Variants in CCT3 observed in about 807,000 individuals in gnomAD.
The protein encoded by CCT3 is T-complex protein 1 subunit gamma.
A neutral mutation model predicts 65.3 loss-of-function variants in CCT3; 10 were observed. The ratio of observed to expected loss-of-function variants is 0.15; its 90% CI spans 0.09 to 0.26. The LOEUF (loss-of-function observed/expected upper bound fraction) is 0.26. Among genes scored for constraint, CCT3 ranks in the 10% least tolerant of loss-of-function variants. The pLI is 1.00. For synonymous variants in CCT3, 225 were observed against 242.3 expected (o/e 0.93, Z 0.66); for missense variants, 626 against 708.7 (o/e 0.88, Z 1.33).
At position 156,323,363 on chromosome 1, in the gene CCT3, A is replaced by G. The variant is rs1664650105; in HGVS notation, c.422+1609T>C. Among the ~76,000 whole-genome samples the G allele has an allele frequency of 2.6e-5, 4 of 152,126 alleles. No homozygotes were observed. The South Asian group carries it at 8.3e-4, about 31-fold the overall frequency. ...ATAATATAAACCTCACCAAATTACT[A>G]AACACTTATGCATCTAGTGACTCAA... On this transcript the variant is annotated intron_variant, in intron 6 of 13. Coordinates refer to ENST00000295688, the MANE Select transcript of CCT3 (RefSeq NM_005998.5).
At chr1:156,326,689 T>C (rs941355505) in intron 5 of CCT3, among the ~76,000 whole-genome samples, 2 of 140,210 alleles carry the variant, frequency 1.4e-5, no homozygotes, top group Non-Finnish European at 3.1e-5. Context: ...AAAAAGAAAA[T>C]GTACACAATT....
In CCT3 at chr1:156,320,854, A is replaced by G. The variant is rs1420460604; in HGVS notation, c.594T>C (p.Tyr198=). ...NGRKEIDIKK[Y]ARVEKIPGGI... ...GAAAGTTTACCTTTTCCACTCTTGC[A>G]TATTTTTTTATGTCAATCTCTTTCC... The change falls in exon 7 of 14, where the codon TAT becomes TAC. Residue 198 remains tyrosine (Y), a synonymous_variant. Coordinates refer to ENST00000295688, the MANE Select transcript of CCT3 (RefSeq NM_005998.5). The G allele has an allele frequency of 5.6e-6, 9 of 1,610,090 alleles. No individual in the cohort carries two copies. Among genetic ancestry groups the G allele is most frequent in the African/African-American group, 2.7e-5 (2 of 74,854 alleles).
At chr1:156,319,096 C>A in intron 7 of CCT3, 79 bp from the exon 8 acceptor site, 3 of 1,293,368 alleles carry the variant, frequency 2.3e-6, no homozygotes, top group Non-Finnish European at 2.1e-6. Context: ...TCATCTTTCC[C>A]AAACAGCTAG....
At chr1:156,320,572 C>T (rs1664505497) in intron 7 of CCT3, among the ~76,000 whole-genome samples, 3 of 152,080 alleles carry the variant, frequency 2.0e-5, no homozygotes, top group Admixed American at 6.6e-5. Flanking sequence ...ACATGAGACC[C>T]TCATCTCTAC....
intron 10 of CCT3, among the ~76,000 whole-genome samples, chr1:156,313,301 T>A (rs1002942047): frequency 7.4e-6 from 1 of 134,896 alleles, no homozygotes; most frequent in East Asian, 2.2e-4. Flanking sequence ...ATTTCACCAC[T>A]GCACTCCAGC....
chr1:156,331,942 G>A (rs961308364), intron 5 of CCT3, among the ~76,000 whole-genome samples: 3 of 152,128 alleles, frequency 2.0e-5, no homozygotes, highest in East Asian at 1.9e-4. Flanking sequence ...TAAGGCAGGA[G>A]AATCGCTCGA....
At chr1:156,317,764 A>G (rs1664369655) in intron 8 of CCT3, among the ~76,000 whole-genome samples, 1 of 150,266 alleles carries the variant, frequency 6.7e-6, no homozygotes, top group Non-Finnish European at 1.5e-5. Context: ...GCTGGAGTGT[A>G]ATGGCGCGAT....
At chr1:156,325,517 G>C (rs2101655534) in intron 5 of CCT3, among the ~76,000 whole-genome samples, 1 of 151,818 alleles carries the variant, frequency 6.6e-6, no homozygotes, top group East Asian at 1.9e-4. Flanking sequence ...GACAGAGTGA[G>C]ACCCTATCTC....
intron 5 of CCT3, among the ~76,000 whole-genome samples, chr1:156,328,213 C>A (rs1357512618): frequency 9.3e-6 from 1 of 107,036 alleles, no homozygotes; most frequent in Non-Finnish European, 2.3e-5. Context: ...GGGGTCAGTC[C>A]CCCCGTCCGG....
At chr1:156,324,893 C>G (rs938803483) in intron 6 of CCT3, 79 bp downstream of exon 6, 2 of 944,882 alleles carry the variant, frequency 2.1e-6, no homozygotes, top group Non-Finnish European at 3.4e-6. Context: ...TCCCAAAGTG[C>G]TGGGATGACA....
In CCT3 at chr1:156,328,217, C is replaced by T. The variant is rs1156652554; in HGVS notation, c.305-3128G>A. On this transcript the variant is annotated intron_variant, in intron 5 of 13. Coordinates refer to ENST00000295688, the MANE Select transcript of CCT3 (RefSeq NM_005998.5). ...GGGAGGTGGGGGGGGTCAGTCCCCCCGTCCGGGAGGGAGGTAGGGGGGTCA... is the reference window on the plus strand; with the variant it reads ...GGGAGGTGGGGGGGGTCAGTCCCCCTGTCCGGGAGGGAGGTAGGGGGGTCA... Among the ~76,000 whole-genome samples, 3 of 129,006 alleles carry T rather than the reference C, an allele frequency of 2.3e-5. 1 individual carries two copies. The highest frequency in any genetic ancestry group is 3.6e-5 in the Non-Finnish European group (2 of 55,700). The allele number at this position is 129,006 out of a possible 152,430, so 84.6% of individuals were successfully genotyped here.
chr1:156,337,802 C>CAAA, intron 1 of CCT3: 3 of 273,140 alleles, frequency 1.1e-5, no homozygotes, highest in Non-Finnish European at 2.1e-5. Context: ...GAAAAAAAAA[C>CAAA]AAAAAAAAAC....
At position 156,327,700 on chromosome 1, in the gene CCT3, C is replaced by T. The variant is rs1298809745; in HGVS notation, c.305-2611G>A. On this transcript the variant is annotated intron_variant, in intron 5 of 13. Transcript: ENST00000295688. ...AAGAGCCGAGATTGCAGCCTCTGCC[C>T]GGCCGCCACCCCGTCTGGGAAGTGA... Among the ~76,000 whole-genome samples, 773 of 151,740 alleles carry T rather than the reference C, an allele frequency of 5.1e-3. 7 individuals carry two copies. Among genetic ancestry groups the T allele is most frequent in the Middle Eastern group, 0.01 (3 of 294 alleles).
intron 3 of CCT3, 35 bp from the exon 4 acceptor site, chr1:156,334,810 C>T: frequency 6.2e-7 from 1 of 1,613,628 alleles, no homozygotes; most frequent in Admixed American, 1.7e-5. Flanking sequence ...TTAAAGTGTC[C>T]TAGATAACAG....
rs577369726 is a variant in CCT3 at position 156,314,663 on chromosome 1, A to C, written c.975-2442T>G. Among the ~76,000 whole-genome samples the C allele has an allele frequency of 9.9e-5, 15 of 152,284 alleles. No individual in the cohort carries two copies. In the South Asian group the frequency reaches 2.9e-3, roughly 29 times the overall value. On this transcript the variant is annotated intron_variant, in intron 10 of 13. Coordinates refer to ENST00000295688, the MANE Select transcript of CCT3 (RefSeq NM_005998.5). ...CAGGAGGCGGAGGTTGTGGTGAGCC[A>C]AGATTGTGCCACTGCACTCCAGCGT...
chr1:156,331,238 A>G (rs1001865744), intron 5 of CCT3, among the ~76,000 whole-genome samples: 2 of 151,094 alleles, frequency 1.3e-5, no homozygotes, highest in African/African-American at 4.9e-5. Context: ...CTCAAAAAGA[A>G]AAACACTTTG....
Position 156,309,084 on chromosome 1 carries a change from T to C in CCT3, c.*115A>G. 1.4e-6 allele frequency: 1 copy of C among 709,602 alleles called. No individual in the cohort carries two copies. The allele number at this position is 709,602 out of a possible 1,614,324, so 44.0% of individuals were successfully genotyped here. On this transcript the variant is annotated 3_prime_UTR_variant, in exon 14 of 14. Transcript: ENST00000295688. ...GCTGGGACAGAAAGGGACTGGGGGCTGCCCCCCAACCTGATCCCTTCTGAA... is the reference window on the plus strand; with the variant it reads ...GCTGGGACAGAAAGGGACTGGGGGCCGCCCCCCAACCTGATCCCTTCTGAA...
chr1:156,313,378 G>A (rs965023772), intron 10 of CCT3, among the ~76,000 whole-genome samples: 7 of 146,966 alleles, frequency 4.8e-5, no homozygotes, highest in Non-Finnish European at 1.1e-4. Context: ...GAGAGAGAGA[G>A]AGAGAAATCA....
At position 156,338,275 on chromosome 1, in the gene CCT3, T is replaced by C; in HGVS notation, c.-91A>G. On this transcript the variant is annotated 5_prime_UTR_variant, in exon 1 of 14. Transcript: ENST00000295688. ...AACCAGACAGAAGCCCAGAAAACGC[T>C]GCCTCCTCAGGGCTTACACCTCAAC... The C allele has an allele frequency of 7.4e-7, 1 of 1,356,604 alleles. No individual in the cohort carries two copies. Among genetic ancestry groups the C allele is most frequent in the Non-Finnish European group, 1.0e-6 (1 of 971,730 alleles). The allele number at this position is 1,356,604 out of a possible 1,614,324, so 84.0% of individuals were successfully genotyped here. A position where few individuals can be genotyped will look rare whatever the true frequency, so the allele number is the denominator to read the frequency against.
Sources: allele counts gnomAD v4.1 joint callset (sites outside exome capture counted in the v4.1 genomes callset), GRCh38; gene constraint gnomAD v4.1.1; transcripts MANE v1.5; gene names NCBI Gene and HGNC (gene_info 2026-07-23, HGNC 2026-07-21).